The following SLC22A24 variants were observed in gnomAD, a reference collection of about 807,000 sequenced individuals.
SLC22A24 encodes the protein solute carrier family 22 member 24, also known as steroid transmembrane transporter SLC22A24.
Under a neutral mutation model 49.8 loss-of-function variants are expected in SLC22A24, and 53 were observed. The observed-to-expected ratio is 1.06, with a 90% CI of 0.85 to 1.34. SLC22A24 has a LOEUF of 1.34. Among genes scored for constraint, SLC22A24 ranks in the 40% most tolerant of loss-of-function variants. The pLI is 0.00. For missense variants in SLC22A24, 786 were observed against 675.9 expected, an observed-to-expected ratio of 1.16 and a Z score of -1.81; for synonymous variants, 302 against 256.4, an observed-to-expected ratio of 1.18 and a Z score of -1.70.
intron 5 of SLC22A24, among the ~76,000 whole-genome samples, chr11:63,103,003 C>A (rs978157740): frequency 1.3e-5 from 2 of 152,120 alleles, no homozygotes; most frequent in Non-Finnish European, 2.9e-5. Context: ...AGTTAGAGAA[C>A]TACATATAAG....
At chr11:63,109,067 G>T (rs370030586) in intron 4 of SLC22A24, among the ~76,000 whole-genome samples, 1 of 144,902 alleles carries the variant, frequency 6.9e-6, no homozygotes, top group Non-Finnish European at 1.5e-5. Context: ...TCATTGTTCA[G>T]TTCCCACCTA....
chr11:63,087,659 C>T (rs2086995626), intron 6 of SLC22A24, among the ~76,000 whole-genome samples: 1 of 152,226 alleles, frequency 6.6e-6, no homozygotes, highest in Non-Finnish European at 1.5e-5. Flanking sequence ...TGGAGCCCAG[C>T]AAGCTAAGAA....
chr11:63,143,223 A>G (rs1590754611), intron 1 of SLC22A24, among the ~76,000 whole-genome samples, 155 bp downstream of exon 1: 1 of 152,250 alleles, frequency 6.6e-6, no homozygotes, highest in East Asian at 1.9e-4. Flanking sequence ...TAGAGTATTA[A>G]TAGATAATCA....
intron 1 of SLC22A24, among the ~76,000 whole-genome samples, chr11:63,142,638 C>A (rs1418674144): frequency 6.6e-6 from 1 of 152,128 alleles, no homozygotes; most frequent in Middle Eastern, 3.2e-3. Context: ...TAAACTGCTC[C>A]TAAGATCAGT....
intron 4 of SLC22A24, among the ~76,000 whole-genome samples, chr11:63,111,140 C>A (rs1489699975): frequency 3.3e-5 from 5 of 151,956 alleles, no homozygotes; most frequent in Non-Finnish European, 7.4e-5. Flanking sequence ...TTTTTATATG[C>A]TGGATTACAT....
intron 4 of SLC22A24, among the ~76,000 whole-genome samples, chr11:63,109,929 A>T (rs1454451397): frequency 6.6e-6 from 1 of 152,084 alleles, no homozygotes; most frequent in African/African-American, 2.4e-5. Flanking sequence ...GCCCATGCCT[A>T]TGTCCTGAAT....
chr11:63,087,034 A>G (rs1044579791), intron 6 of SLC22A24, among the ~76,000 whole-genome samples: 3 of 109,590 alleles, frequency 2.7e-5, no homozygotes, highest in East Asian at 3.4e-4. Context: ...GCACACACAC[A>G]CACACACACA....
At chr11:63,091,005 T>G (rs1367441951) in intron 6 of SLC22A24, among the ~76,000 whole-genome samples, 2 of 152,102 alleles carry the variant, frequency 1.3e-5, no homozygotes, top group Non-Finnish European at 2.9e-5. Context: ...GCTGATTTTT[T>G]GAAAAGATTA....
intron 4 of SLC22A24, among the ~76,000 whole-genome samples, chr11:63,106,497 G>A (rs942333873): frequency 6.6e-6 from 1 of 151,952 alleles, no homozygotes; most frequent in South Asian, 2.1e-4. Flanking sequence ...AGATCCCTGA[G>A]GAATCACCAC....
chr11:63,130,157 C>T (rs1428429206), intron 2 of SLC22A24, among the ~76,000 whole-genome samples: 3 of 152,130 alleles, frequency 2.0e-5, no homozygotes, highest in African/African-American at 4.8e-5. Flanking sequence ...TCCATCTATA[C>T]CTAGTTTATT....
chr11:63,131,762 C>G (rs78378346), intron 2 of SLC22A24, among the ~76,000 whole-genome samples: 120,582 of 151,466 alleles, frequency 0.8, 49,043 homozygotes, highest in East Asian at 0.9. Context: ...ATGTCTTGGG[C>G]TTGCTCTTCT....
intron 6 of SLC22A24, among the ~76,000 whole-genome samples, chr11:63,086,298 A>G (rs1043965273): frequency 4.9e-4 from 75 of 152,332 alleles, no homozygotes; most frequent in East Asian, 1.9e-4. Flanking sequence ...ATGCCCATCA[A>G]TGGTAGACTG....
chr11:63,143,927 G>C lies in SLC22A24; in HGVS notation c.-148C>G. On this transcript the variant is annotated 5_prime_UTR_variant, in exon 1 of 10. Transcript: ENST00000612278. Reference sequence around the variant, plus strand: ...TTCTTGGTGGGCCCTGCACTGAGTGGTGTGACACTACTGCAGAAGAGCAGT... The same window carrying C: ...TTCTTGGTGGGCCCTGCACTGAGTGCTGTGACACTACTGCAGAAGAGCAGT... 3 of 550,632 alleles carry C rather than the reference G, an allele frequency of 5.4e-6. No homozygotes were observed. Among genetic ancestry groups the C allele is most frequent in the Non-Finnish European group, 5.5e-6 (2 of 364,322 alleles). The allele number at this position is 550,632 out of a possible 1,614,324, so 34.1% of individuals were successfully genotyped here. A position where few individuals can be genotyped will look rare whatever the true frequency, so the allele number is the denominator to read the frequency against.
intron 4 of SLC22A24, among the ~76,000 whole-genome samples, chr11:63,116,693 C>T: frequency 6.6e-6 from 1 of 152,006 alleles, no homozygotes; most frequent in East Asian, 1.9e-4. Flanking sequence ...TCCTTTTTCT[C>T]AGCCCTCGCC....
At chr11:63,129,190 G>A (rs572939621) in intron 2 of SLC22A24, among the ~76,000 whole-genome samples, 11 of 152,132 alleles carry the variant, frequency 7.2e-5, no homozygotes, top group South Asian at 2.1e-4. Context: ...AGCTTTCTAC[G>A]TATGGCTAGC....
chr11:63,099,911 A>C (rs2087080447), intron 5 of SLC22A24, among the ~76,000 whole-genome samples: 1 of 152,198 alleles, frequency 6.6e-6, no homozygotes. Flanking sequence ...ATCTCAGTAT[A>C]GAAGGAACAT....
rs184481729 is a variant in SLC22A24, at chr11:63,113,405, C to T, written c.830+5507G>A. On this transcript the variant is annotated intron_variant, in intron 4 of 9. Transcript: ENST00000612278. ...AGTGGCTGGTACCGTTTGTTTCTTTCCATGTTTAGTGCTTCCTTCAGGAGT... is the reference window on the plus strand; with the variant it reads ...AGTGGCTGGTACCGTTTGTTTCTTTTCATGTTTAGTGCTTCCTTCAGGAGT... Among the ~76,000 whole-genome samples, 1,482 of 151,550 alleles carry T rather than the reference C, an allele frequency of 9.8e-3. 30 individuals carry two copies. The highest frequency in any genetic ancestry group is 0.034 in the African/African-American group (1,390 of 41,226).
In SLC22A24 at chr11:63,111,422, A is replaced by T. The variant is rs1334267789; in HGVS notation, c.831-7124T>A. ...TTGATTGGAATAGTTTCAGAAGGAA[A>T]GGTACCAGTTCCTCCTTGTACCTCT... On this transcript the variant is annotated intron_variant, in intron 4 of 9. Coordinates refer to ENST00000612278, the MANE Select transcript of SLC22A24 (RefSeq NM_001136506.2). Among the ~76,000 whole-genome samples the T allele has an allele frequency of 5.2e-4, 79 of 151,842 alleles. 1 individual carries two copies. Among genetic ancestry groups the T allele is most frequent in the Admixed American group, 1.3e-4 (2 of 15,212 alleles).
Position 63,143,128 on chromosome 11 carries a change from C to G in SLC22A24, c.402+250G>C, listed in dbSNP as rs368167485. Among the ~76,000 whole-genome samples the G allele has an allele frequency of 1.2e-4, 18 of 152,164 alleles. No individual in the cohort carries two copies. In the East Asian group the frequency reaches 1.9e-3, roughly 16 times the overall value. ...TTTGATTAATAAAGATGTGTTTGAG[C>G]CTAGTTATAATGATTTAAAATTCAT... On this transcript the variant is annotated intron_variant, in intron 1 of 9. Coordinates refer to ENST00000612278, the MANE Select transcript of SLC22A24 (RefSeq NM_001136506.2).
Sources: gnomAD v4.1 joint callset for allele counts (sites outside exome capture counted in the v4.1 genomes callset) on GRCh38, gnomAD v4.1.1 for gene constraint, MANE v1.5 for transcripts, NCBI Gene and HGNC (gene_info 2026-07-23, HGNC 2026-07-21) for gene names.